Variants in CDH13 observed in about 807,000 individuals in gnomAD.
The protein encoded by CDH13 is cadherin-13.
In CDH13, 24 loss-of-function variants were observed where a neutral mutation model predicts 63.8. The ratio of observed to expected loss-of-function variants is 0.38; its 90% CI spans 0.27 to 0.53. CDH13 has a LOEUF of 0.53. CDH13 is among the 20% of genes least tolerant of loss of function. CDH13 has a pLI of 0.85. For synonymous variants in CDH13, 503 were observed against 355.3 expected (o/e 1.42, Z -4.67); for missense variants, 1,049 against 903.1 (o/e 1.16, Z -2.07).
rs145931059 is a variant in CDH13, at chr16:82,722,208, G to A, written c.45+95071G>A. Among the ~76,000 whole-genome samples the A allele has an allele frequency of 2.1e-3, 325 of 152,272 alleles. 1 individual carries two copies. The highest frequency in any genetic ancestry group is 7.3e-3 in the African/African-American group (302 of 41,556). On this transcript the variant is annotated intron_variant, in intron 1 of 13. Transcript: ENST00000567109. ...TTAATGTCTAACTCAAATGGGAAAT[G>A]TATAGTTCACTTAACTGAAAAGGTC...
intron 1 of CDH13, among the ~76,000 whole-genome samples, chr16:82,637,444 T>TTTTTTTTTTTTTTTTTTTTTG (rs1567577206): frequency 7.2e-6 from 1 of 138,608 alleles, no homozygotes; most frequent in Non-Finnish European, 1.6e-5. Flanking sequence ...TTTTTTTTTT[T>TTTTTTTTTTTTTTTTTTTTTG]TTTTGAGACG....
At chr16:83,440,947 C>T (rs1210843072) in intron 6 of CDH13, among the ~76,000 whole-genome samples, 4 of 152,086 alleles carry the variant, frequency 2.6e-5, no homozygotes, top group Admixed American at 1.3e-4. Flanking sequence ...GGAGAGCTTC[C>T]CCTCCAACAA....
At chr16:82,627,906 G>A (rs890416268) in intron 1 of CDH13, among the ~76,000 whole-genome samples, 1 of 152,248 alleles carries the variant, frequency 6.6e-6, no homozygotes, top group African/African-American at 2.4e-5. Flanking sequence ...TTCCCTGAGC[G>A]GGAGCGGAGC....
rs900193539 is a variant in CDH13, at chr16:83,265,908, C to A, written c.636+48411C>A. Among the ~76,000 whole-genome samples, 4 of 151,668 alleles carry A rather than the reference C, an allele frequency of 2.6e-5. 1 individual carries two copies. Among genetic ancestry groups the A allele is most frequent in the Admixed American group, 2.6e-4 (4 of 15,234 alleles). On this transcript the variant is annotated intron_variant, in intron 5 of 13. Transcript: ENST00000567109. ...ATGGGTGATGGGGTTGGGACTCCAC[C>A]ATCAGTATCTGTAGTTATTTTCGGT...
At chr16:82,995,742 T>C (rs1203304036) in intron 2 of CDH13, among the ~76,000 whole-genome samples, 2 of 152,192 alleles carry the variant, frequency 1.3e-5, no homozygotes, top group Non-Finnish European at 2.9e-5. Context: ...AGGAAGCCAC[T>C]GCATTCCCCC....
chr16:83,505,535 T>C (rs981249829), intron 7 of CDH13, among the ~76,000 whole-genome samples: 2 of 127,820 alleles, frequency 1.6e-5, no homozygotes, highest in African/African-American at 8.3e-5. Flanking sequence ...TTAATCCTTT[T>C]TTTTTTTTTT....
At position 83,032,188 on chromosome 16, in the gene CDH13, CG is replaced by C. The variant is rs1567763530; in HGVS notation, c.342del (p.Asp116ThrfsTer31). The C allele has an allele frequency of 6.2e-7, 1 of 1,613,498 alleles. No individual in the cohort carries two copies. Among genetic ancestry groups the C allele is most frequent in the Non-Finnish European group, 8.5e-7 (1 of 1,179,654 alleles). ...AEDMAELVIVGGKDIQGSLQD... is the reference protein window; with the variant it reads ...AEDMAELVIVXGKDIQGSLQD... ...AAGATATGGCAGAACTCGTGATTGT[CG>C]GGGGGAAAGACATCCAGGGCTCCTT... On this transcript the variant is annotated frameshift_variant, in exon 3 of 14. Transcript: ENST00000567109. LOFTEE classifies it high-confidence loss of function.
chr16:82,861,655 T>C (rs2039950944), intron 2 of CDH13, among the ~76,000 whole-genome samples: 1 of 152,246 alleles, frequency 6.6e-6, no homozygotes, highest in Admixed American at 6.5e-5. Context: ...ATTTCCCTAA[T>C]ATTTTATTCA....
chr16:83,026,946 A>T (rs1383749204), intron 2 of CDH13, among the ~76,000 whole-genome samples: 1 of 152,156 alleles, frequency 6.6e-6, no homozygotes, highest in Non-Finnish European at 1.5e-5. Context: ...AAATGGATAC[A>T]CACGGGGTCC....
intron 1 of CDH13, among the ~76,000 whole-genome samples, chr16:82,770,033 T>G (rs757657515): frequency 2.0e-5 from 3 of 152,226 alleles, no homozygotes; most frequent in Non-Finnish European, 4.4e-5. Context: ...CCAGCTGCTG[T>G]CCCCAGCTAA....
At chr16:82,799,446 C>T (rs141922717) in intron 1 of CDH13, among the ~76,000 whole-genome samples, 41 of 152,348 alleles carry the variant, frequency 2.7e-4, no homozygotes, top group Non-Finnish European at 5.6e-4. Flanking sequence ...ACTCAGCAGT[C>T]TGCTTTGAAA....
At chr16:83,521,248 T>G (rs1331172932) in intron 7 of CDH13, among the ~76,000 whole-genome samples, 4 of 152,202 alleles carry the variant, frequency 2.6e-5, no homozygotes, top group Admixed American at 6.5e-5. Context: ...CTTCCAGCTT[T>G]AAGGCTTTAT....
intron 3 of CDH13, among the ~76,000 whole-genome samples, chr16:83,101,003 G>T (rs1048587067): frequency 3.3e-5 from 5 of 152,038 alleles, no homozygotes; most frequent in African/African-American, 1.2e-4. Flanking sequence ...ATATGATTCA[G>T]ATCCTTTATA....
chr16:82,689,350 A>T (rs1915405880), intron 1 of CDH13, among the ~76,000 whole-genome samples: 1 of 152,148 alleles, frequency 6.6e-6, no homozygotes, highest in Non-Finnish European at 1.5e-5. Context: ...TAGTTATCAT[A>T]TTCATCCACT....
Position 83,252,079 on chromosome 16 carries a change from ATATAT to A in CDH13, c.636+34583_636+34587del, listed in dbSNP as rs1315357414. On this transcript the variant is annotated intron_variant, in intron 5 of 13. Coordinates refer to ENST00000567109, the MANE Select transcript of CDH13 (RefSeq NM_001257.5). Reference sequence around the variant, plus strand: ...TTTTAAATAAATATATATATATAGTATATATGTATATATGTATATATATATTATAC... The same window carrying A: ...TTTTAAATAAATATATATATATAGTAGTATATATGTATATATATATTATAC... Among the ~76,000 whole-genome samples, 8 of 66,612 alleles carry A rather than the reference ATATAT, an allele frequency of 1.2e-4. No homozygotes were observed. The East Asian group carries it at 1.7e-3, about 14-fold the overall frequency. The allele number at this position is 66,612 out of a possible 152,430, so 43.7% of individuals were successfully genotyped here.
At position 83,406,712 on chromosome 16, in the gene CDH13, C is replaced by T. The variant is rs111984781; in HGVS notation, c.781+61706C>T. On this transcript the variant is annotated intron_variant, in intron 6 of 13. Transcript: ENST00000567109. ...AACTCCTGACCTCAGGTGATCCACC[C>T]GCCTCAACCTCCCAAAGTGCTGGGA... is the stretch of plus-strand genomic sequence containing the variant. Among the ~76,000 whole-genome samples, 337 of 152,232 alleles carry T rather than the reference C, an allele frequency of 2.2e-3. 3 individuals carry two copies. Among genetic ancestry groups the T allele is most frequent in the African/African-American group, 7.0e-3 (291 of 41,556 alleles).
chr16:83,099,739 T>A, intron 3 of CDH13, among the ~76,000 whole-genome samples: 1 of 151,968 alleles, frequency 6.6e-6, no homozygotes, highest in Non-Finnish European at 1.5e-5. Flanking sequence ...GTGTCTCAGT[T>A]TCTTCATTTG....
chr16:82,802,750 C>A (rs1271634958), intron 1 of CDH13, among the ~76,000 whole-genome samples: 5 of 150,404 alleles, frequency 3.3e-5, no homozygotes, highest in Non-Finnish European at 7.4e-5. Flanking sequence ...GAACAGCAAC[C>A]CTTACCAGAA....
At chr16:83,210,158 G>T (rs929782700) in intron 4 of CDH13, among the ~76,000 whole-genome samples, 1 of 151,966 alleles carries the variant, frequency 6.6e-6, no homozygotes, top group African/African-American at 2.4e-5. Flanking sequence ...TCTGCCTCCC[G>T]GGTTCAAGCG....
Sources: gnomAD v4.1 joint callset for allele counts (sites outside exome capture counted in the v4.1 genomes callset) on GRCh38, gnomAD v4.1.1 for gene constraint, MANE v1.5 for transcripts, NCBI Gene and HGNC (gene_info 2026-07-23, HGNC 2026-07-21) for gene names.